The following ADGRV1 variants were observed in gnomAD, a reference collection of about 807,000 sequenced individuals.
The protein encoded by ADGRV1 is adhesion G protein-coupled receptor V1.
A neutral mutation model predicts 596.2 loss-of-function variants in ADGRV1; 359 were observed. The ratio of observed to expected loss-of-function variants is 0.60; its 90% CI spans 0.55 to 0.66. The LOEUF (loss-of-function observed/expected upper bound fraction) is 0.66. ADGRV1 is among the 30% of genes least tolerant of loss of function. The probability of loss-of-function intolerance (pLI) is 0.00; values close to 1 mark genes in which losing one functional copy is unlikely to be tolerated. For synonymous variants in ADGRV1, 2,681 were observed against 2,679.2 expected, an observed-to-expected ratio of 1.00 and a Z score of -0.02; for missense variants, 7,274 against 7,575.6, an observed-to-expected ratio of 0.96 and a Z score of 1.48.
At chr5:90,564,802 A>C (rs1295540088) in intron 1 of ADGRV1, among the ~76,000 whole-genome samples, 2 of 87,960 alleles carry the variant, frequency 2.3e-5, no homozygotes, top group South Asian at 3.9e-4. Context: ...AATTTTTTGT[A>C]TTTTTAGTAG....
chr5:90,850,139 T>C (rs1172980559), intron 79 of ADGRV1, among the ~76,000 whole-genome samples: 1 of 152,192 alleles, frequency 6.6e-6, no homozygotes, highest in Non-Finnish European at 1.5e-5. Context: ...TCAGAATAGA[T>C]TGTAACCACC....
intron 28 of ADGRV1, among the ~76,000 whole-genome samples, chr5:90,685,411 C>A (rs113197651): frequency 1.3e-5 from 2 of 151,888 alleles, no homozygotes; most frequent in Non-Finnish European, 2.9e-5. Flanking sequence ...GGTGAAACCC[C>A]ATCTCTACTA....
chr5:90,753,423 A>G, intron 53 of ADGRV1, 151 bp from the exon 54 acceptor site: 1 of 554,314 alleles, frequency 1.8e-6, no homozygotes, highest in African/African-American at 1.9e-5. Context: ...TATGAAAGAC[A>G]TCTGATTTGT....
chr5:90,681,323 G>A lies in ADGRV1; in HGVS notation c.5533G>A (p.Gly1845Arg), dbSNP rs1303936919. 2 of 1,613,600 alleles carry A rather than the reference G, an allele frequency of 1.2e-6. No individual in the cohort carries two copies. The highest frequency in any genetic ancestry group is 1.1e-5 in the South Asian group (1 of 91,052). Reference protein sequence around the residue: ...LPTIHKRASLGVASQILVTIA... With the variant: ...LPTIHKRASLRVASQILVTIA... ...GGAACTTGTTCATGCAGCCAGTCTA[G>A]GAGTGGCTTCCCAAATTCTAGTGAC... The change falls in exon 27 of 90, where the codon GGA (glycine) becomes AGA (arginine). Residue 1845 changes from glycine to arginine, a missense_variant. By Grantham distance (125) the Gly-to-Arg change is moderately radical. Around this residue, in one of 5 missense-constraint regions of ADGRV1, gnomAD observed 3,643 missense variants for 3,809.2 expected, o/e 0.96. Coordinates refer to ENST00000405460, the MANE Select transcript of ADGRV1 (RefSeq NM_032119.4).
chr5:90,668,227 T>C (rs1355044924), intron 21 of ADGRV1, among the ~76,000 whole-genome samples: 2 of 152,004 alleles, frequency 1.3e-5, no homozygotes, highest in African/African-American at 4.8e-5. Flanking sequence ...CGCCTTGCAG[T>C]TTGATCTCAG....
chr5:90,590,829 A>G (rs566671417), intron 1 of ADGRV1, among the ~76,000 whole-genome samples: 11 of 152,346 alleles, frequency 7.2e-5, no homozygotes, highest in African/African-American at 2.6e-4. Context: ...TTTAAATACT[A>G]TTACTGGAAA....
intron 23 of ADGRV1, among the ~76,000 whole-genome samples, chr5:90,674,820 T>C (rs566369859): frequency 6.6e-6 from 1 of 152,214 alleles, no homozygotes; most frequent in South Asian, 2.1e-4. Flanking sequence ...TAGTTAGGTT[T>C]TGTTTGTTTG....
At chr5:90,798,301 A>G (rs188590026) in intron 70 of ADGRV1, among the ~76,000 whole-genome samples, 38 of 152,358 alleles carry the variant, frequency 2.5e-4, no homozygotes, top group African/African-American at 6.5e-4. Context: ...AAACACCTCT[A>G]TGCAAATAAA....
chr5:90,725,445 T>C, intron 47 of ADGRV1, 104 bp from the exon 48 acceptor site: 1 of 756,358 alleles, frequency 1.3e-6, no homozygotes, highest in South Asian at 1.7e-5. Context: ...TATTAAAATT[T>C]TTTAAGTCTT....
chr5:91,048,734 C>G (rs1453968297), intron 85 of ADGRV1, among the ~76,000 whole-genome samples: 2 of 152,204 alleles, frequency 1.3e-5, no homozygotes, highest in African/African-American at 2.4e-5. Flanking sequence ...ACAAGTTGCT[C>G]TGATGCTTTC....
intron 83 of ADGRV1, chr5:90,931,029 C>T (rs575081302): frequency 1.3e-5 from 2 of 152,088 alleles, no homozygotes; most frequent in East Asian, 1.9e-4. Flanking sequence ...CAAGGTGACT[C>T]GGAATAGATG....
At chr5:90,906,580 C>T (rs1030019566) in intron 83 of ADGRV1, among the ~76,000 whole-genome samples, 3 of 152,020 alleles carry the variant, frequency 2.0e-5, no homozygotes, top group African/African-American at 7.2e-5. Flanking sequence ...GTTGTAATGT[C>T]TCCATTTTCA....
At chr5:90,774,866 C>T (rs529310763) in intron 60 of ADGRV1, among the ~76,000 whole-genome samples, 3 of 152,244 alleles carry the variant, frequency 2.0e-5, no homozygotes, top group Middle Eastern at 3.4e-3. Flanking sequence ...AACATATTTA[C>T]AATTATCACA....
Position 90,625,222 on chromosome 5 carries a change from C to T in ADGRV1, c.651C>T (p.Asn217=). The T allele has an allele frequency of 1.9e-6, 3 of 1,611,228 alleles. No individual in the cohort carries two copies. Among genetic ancestry groups the T allele is most frequent in the Non-Finnish European group, 2.5e-6 (3 of 1,177,578 alleles). The change falls in exon 6 of 90, where the codon AAC becomes AAT. Residue 217 remains asparagine (N), a synonymous_variant. Transcript: ENST00000405460. ...CTGGCAGAGCAACAGTAATTTATAA[C>T]TTGACAGTACTCGATGACGAGGTTG... is the stretch of plus-strand genomic sequence containing the variant. The part of the protein sequence containing the change: ...FPPGRATVIY[N]LTVLDDEVPE...
At chr5:90,744,174 A>G (rs894315171) in intron 50 of ADGRV1, among the ~76,000 whole-genome samples, 1 of 151,948 alleles carries the variant, frequency 6.6e-6, no homozygotes, top group African/African-American at 2.4e-5. Context: ...TTTTGTAAAG[A>G]CAGGCTCCCA....
At chr5:91,085,495 T>C (rs60788810) in intron 86 of ADGRV1, among the ~76,000 whole-genome samples, 111 of 152,328 alleles carry the variant, frequency 7.3e-4, no homozygotes, top group African/African-American at 2.6e-3. Context: ...CTATCCTCAC[T>C]GTCTAGTCAA....
intron 68 of ADGRV1, among the ~76,000 whole-genome samples, chr5:90,789,442 A>G (rs578075424): frequency 5.3e-5 from 8 of 152,298 alleles, no homozygotes; most frequent in East Asian, 1.9e-4. Context: ...TCAAATTACT[A>G]TTCTCTTGGG....
chr5:90,620,177 C>T (rs1763878902), intron 4 of ADGRV1, among the ~76,000 whole-genome samples: 1 of 152,170 alleles, frequency 6.6e-6, no homozygotes. Flanking sequence ...AATCGCCACA[C>T]TGACTTCCAC....
chr5:90,726,337 T>C (rs1307949058), intron 48 of ADGRV1, among the ~76,000 whole-genome samples: 1 of 152,212 alleles, frequency 6.6e-6, no homozygotes, highest in Non-Finnish European at 1.5e-5. Flanking sequence ...ATTTGGTTAC[T>C]ACAATCAGCC....
Sources: gnomAD v4.1 joint callset for allele counts (sites outside exome capture counted in the v4.1 genomes callset) on GRCh38, gnomAD v4.1.1 for gene constraint, gnomAD v4.1.1 regional missense constraint, MANE v1.5 for transcripts, NCBI Gene and HGNC (gene_info 2026-07-23, HGNC 2026-07-21) for gene names.